The following RBFOX1 variants were observed in gnomAD, a reference collection of about 807,000 sequenced individuals.
The protein encoded by RBFOX1 is RNA binding fox-1 homolog 1, also known as RNA binding protein fox-1 homolog 1.
A neutral mutation model predicts 57.7 loss-of-function variants in RBFOX1; 8 were observed. The ratio of observed to expected loss-of-function variants is 0.14; its 90% CI spans 0.08 to 0.25. The LOEUF is 0.25. Among genes scored for constraint, RBFOX1 ranks in the 10% least tolerant of loss-of-function variants. RBFOX1 has a pLI of 1.00. For missense variants in RBFOX1, 611 were observed against 548.5 expected, an observed-to-expected ratio of 1.11 and a Z score of -1.14; for synonymous variants, 326 against 222.4, an observed-to-expected ratio of 1.47 and a Z score of -4.15.
chr16:7,571,864 C>T (rs985310546), intron 5 of RBFOX1, among the ~76,000 whole-genome samples: 9 of 152,196 alleles, frequency 5.9e-5, no homozygotes, highest in Non-Finnish European at 1.0e-4. Flanking sequence ...CGCCGTGGCT[C>T]AGGCCTGTAA....
chr16:5,334,977 T>C (rs1225883089), intron 1 of RBFOX1, among the ~76,000 whole-genome samples: 1 of 152,136 alleles, frequency 6.6e-6, no homozygotes, highest in African/African-American at 2.4e-5. Context: ...AGACTTCAAG[T>C]AGACTTGTTT....
At chr16:6,420,447 G>T (rs1416532354) in intron 2 of RBFOX1, among the ~76,000 whole-genome samples, 1 of 152,002 alleles carries the variant, frequency 6.6e-6, no homozygotes, top group African/African-American at 2.4e-5. Context: ...TTAAAGAATT[G>T]GTGTTTCTGA....
intron 3 of RBFOX1, among the ~76,000 whole-genome samples, chr16:5,760,781 C>T (rs1450143724): frequency 6.6e-6 from 1 of 151,936 alleles, no homozygotes; most frequent in African/African-American, 2.4e-5. Flanking sequence ...TTTGCACCAA[C>T]CAAAAAGAAT....
chr16:5,738,864 G>A (rs939474887), intron 3 of RBFOX1, among the ~76,000 whole-genome samples: 1 of 152,150 alleles, frequency 6.6e-6, no homozygotes, highest in Admixed American at 6.5e-5. Flanking sequence ...TTAGCTAGAG[G>A]GGTTTCCTTA....
chr16:7,447,714 T>C (rs1383767049), intron 4 of RBFOX1, among the ~76,000 whole-genome samples: 1 of 152,220 alleles, frequency 6.6e-6, no homozygotes, highest in Non-Finnish European at 1.5e-5. Flanking sequence ...CTCACTATCC[T>C]CTTCTTTTAT....
intron 3 of RBFOX1, among the ~76,000 whole-genome samples, chr16:6,675,772 C>CCA (rs1222366303): frequency 3.9e-5 from 6 of 152,236 alleles, no homozygotes; most frequent in Non-Finnish European, 8.8e-5. Flanking sequence ...TTACTCACTA[C>CCA]CACAAGAACA....
At chr16:7,024,483 T>A (rs888880591) in intron 3 of RBFOX1, among the ~76,000 whole-genome samples, 1 of 152,194 alleles carries the variant, frequency 6.6e-6, no homozygotes, top group African/African-American at 2.4e-5. Context: ...CTCATGCACT[T>A]CTTAATAATA....
intron 1 of RBFOX1, among the ~76,000 whole-genome samples, chr16:6,143,981 A>ATATATATATATATATATC: frequency 6.7e-6 from 1 of 149,708 alleles, no homozygotes; most frequent in African/African-American, 2.5e-5. Flanking sequence ...ATATATATAT[A>ATATATATATATATATATC]TCTCTACCTA....
At chr16:7,538,110 A>C (rs188833192) in intron 5 of RBFOX1, among the ~76,000 whole-genome samples, 4 of 152,254 alleles carry the variant, frequency 2.6e-5, no homozygotes, top group Admixed American at 2.6e-4. Context: ...TGGGAGACAA[A>C]GAGTTGTGAG....
At chr16:7,219,519 G>A (rs2092555044) in intron 4 of RBFOX1, among the ~76,000 whole-genome samples, 1 of 152,206 alleles carries the variant, frequency 6.6e-6, no homozygotes, top group Non-Finnish European at 1.5e-5. Flanking sequence ...GTTTAAGGGT[G>A]TAATGTGCAA....
At chr16:6,741,908 C>A (rs546560190) in intron 3 of RBFOX1, among the ~76,000 whole-genome samples, 2 of 152,022 alleles carry the variant, frequency 1.3e-5, no homozygotes, top group Non-Finnish European at 2.9e-5. Context: ...CTCAATAGAT[C>A]AATTGTACAA....
At chr16:6,705,500 C>T (rs932947964) in intron 3 of RBFOX1, 2 of 152,188 alleles carry the variant, frequency 1.3e-5, no homozygotes, top group Non-Finnish European at 2.9e-5. Context: ...CACAACCCCC[C>T]AGCAGCAATG....
intron 5 of RBFOX1, among the ~76,000 whole-genome samples, chr16:7,559,732 G>C (rs373981661): frequency 6.6e-6 from 1 of 152,140 alleles, no homozygotes; most frequent in African/African-American, 2.4e-5. Context: ...AGAACTTTGC[G>C]GGCCTTTCGC....
At chr16:6,361,628 T>TAA (rs748348039) in intron 2 of RBFOX1, among the ~76,000 whole-genome samples, 10 of 127,926 alleles carry the variant, frequency 7.8e-5, no homozygotes, top group Non-Finnish European at 8.4e-5. Context: ...ACTCTGTCTC[T>TAA]AAAAAAAAAA....
chr16:5,552,715 C>T (rs8063667), intron 2 of RBFOX1, among the ~76,000 whole-genome samples: 50,758 of 152,024 alleles, frequency 0.33, 8,890 homozygotes, highest in Admixed American at 0.37. Flanking sequence ...TGCTTCTGAG[C>T]GGGAAGATCC....
chr16:6,817,886 C>G (rs140794665), intron 3 of RBFOX1, among the ~76,000 whole-genome samples: 1 of 152,226 alleles, frequency 6.6e-6, no homozygotes, highest in African/African-American at 2.4e-5. Flanking sequence ...TTCATGAAGG[C>G]TTGCCTCATA....
chr16:7,160,058 G>A (rs1043528244), intron 4 of RBFOX1, among the ~76,000 whole-genome samples: 1 of 152,130 alleles, frequency 6.6e-6, no homozygotes, highest in Non-Finnish European at 1.5e-5. Flanking sequence ...GCCTGTTGCT[G>A]TAAATATTCA....
At chr16:7,501,100 C>G (rs910148746) in intron 4 of RBFOX1, among the ~76,000 whole-genome samples, 13 of 152,158 alleles carry the variant, frequency 8.5e-5, no homozygotes, top group African/African-American at 3.1e-4. Flanking sequence ...TATAAATTAC[C>G]CAGCCTCAGA....
chr16:7,545,472 C>T (rs1398712358), intron 5 of RBFOX1, among the ~76,000 whole-genome samples: 1 of 152,136 alleles, frequency 6.6e-6, no homozygotes, highest in Non-Finnish European at 1.5e-5. Flanking sequence ...AACCCCAGCC[C>T]TGGCACCCCC....
Sources: gnomAD v4.1 joint callset for allele counts (sites outside exome capture counted in the v4.1 genomes callset) on GRCh38, gnomAD v4.1.1 for gene constraint, MANE v1.5 for transcripts, NCBI Gene and HGNC (gene_info 2026-07-23, HGNC 2026-07-21) for gene names.